Variants in EYS observed in about 807,000 individuals in gnomAD.
EYS encodes the protein protein eyes shut homolog.
EYS carries 250 observed loss-of-function variants against 282.1 expected under a neutral mutation model. The observed-to-expected ratio is 0.89, with a 90% CI of 0.80 to 0.98. EYS has a LOEUF of 0.98. Among genes scored for constraint, EYS ranks in the 50% least tolerant of loss-of-function variants. EYS has a pLI of 0.00. For missense variants in EYS, 4,016 were observed against 3,709.0 expected (o/e 1.08, Z -2.15); for synonymous variants, 1,355 against 1,282.9 (o/e 1.06, Z -1.20).
intron 31 of EYS, among the ~76,000 whole-genome samples, chr6:64,193,879 T>C (rs1582408458): frequency 6.6e-6 from 1 of 152,298 alleles, no homozygotes; most frequent in Admixed American, 6.5e-5. Context: ...ATGTGACACA[T>C]TTTCTGAATC....
At chr6:64,861,181 C>T in intron 19 of EYS, among the ~76,000 whole-genome samples, 1 of 152,212 alleles carries the variant, frequency 6.6e-6, no homozygotes, top group East Asian at 1.9e-4. Flanking sequence ...CAGTGCGGAA[C>T]TGCCCTTAGC....
intron 13 of EYS, among the ~76,000 whole-genome samples, chr6:65,044,187 C>T (rs555148643): frequency 8.7e-4 from 132 of 151,874 alleles, no homozygotes; most frequent in Middle Eastern, 3.4e-3. Context: ...TTTATGTCTG[C>T]TTTTGAGAAA....
intron 31 of EYS, among the ~76,000 whole-genome samples, chr6:64,131,457 A>G (rs568512321): frequency 1.4e-4 from 22 of 152,298 alleles, no homozygotes; most frequent in Admixed American, 5.9e-4. Context: ...TGTCATGTAG[A>G]GTCTATGCTC....
chr6:65,006,284 A>C (rs9360110), intron 13 of EYS, among the ~76,000 whole-genome samples: 12,788 of 151,934 alleles, frequency 0.084, 552 homozygotes, highest in East Asian at 0.13. Context: ...TTCCCTATTC[A>C]TTTAAAAGCC....
chr6:65,632,538 G>T (rs1044487144), intron 2 of EYS, among the ~76,000 whole-genome samples: 1 of 152,152 alleles, frequency 6.6e-6, no homozygotes. Flanking sequence ...TATTATTCAT[G>T]CTCTATCATA....
At chr6:65,665,052 G>A (rs114831014) in intron 1 of EYS, among the ~76,000 whole-genome samples, 22 of 152,228 alleles carry the variant, frequency 1.4e-4, no homozygotes, top group Non-Finnish European at 2.8e-4. Context: ...TCAGTGGTAT[G>A]ATCTTAGACA....
chr6:63,840,620 T>C (rs1248073140), intron 36 of EYS, among the ~76,000 whole-genome samples: 3 of 152,232 alleles, frequency 2.0e-5, no homozygotes, highest in Non-Finnish European at 4.4e-5. Context: ...CCTAGACTAA[T>C]GTCTTCAAGA....
chr6:64,391,000 G>A (rs1015090568), intron 28 of EYS, among the ~76,000 whole-genome samples: 7 of 152,074 alleles, frequency 4.6e-5, no homozygotes, highest in African/African-American at 1.4e-4. Context: ...GAGCCGATGC[G>A]AATCAACTGA....
At chr6:64,503,149 T>G (rs1777105017) in intron 26 of EYS, among the ~76,000 whole-genome samples, 1 of 152,358 alleles carries the variant, frequency 6.6e-6, no homozygotes, top group Non-Finnish European at 1.5e-5. Context: ...TTACATGCTT[T>G]ACTTAATTTA....
intron 31 of EYS, among the ~76,000 whole-genome samples, chr6:64,108,448 C>T (rs1401925123): frequency 6.7e-6 from 1 of 149,174 alleles, no homozygotes; most frequent in African/African-American, 2.5e-5. Context: ...CTTGTTATGA[C>T]AGAATGGTGA....
At chr6:64,452,124 A>C (rs1033719842) in intron 26 of EYS, among the ~76,000 whole-genome samples, 7 of 152,206 alleles carry the variant, frequency 4.6e-5, no homozygotes, top group Admixed American at 6.5e-5. Flanking sequence ...GTCTCAGCCC[A>C]AAATCTCCTT....
chr6:65,575,597 G>A (rs938089915), intron 2 of EYS, among the ~76,000 whole-genome samples: 1 of 151,646 alleles, frequency 6.6e-6, no homozygotes, highest in African/African-American at 2.4e-5. Flanking sequence ...AAAGACTACA[G>A]TAGAAATAAA....
chr6:64,983,054 A>G (rs1344714568), intron 14 of EYS, among the ~76,000 whole-genome samples: 1 of 151,222 alleles, frequency 6.6e-6, no homozygotes, highest in Admixed American at 6.6e-5. Flanking sequence ...CTTATTTTAT[A>G]ACATTATGAA....
chr6:65,698,057 G>C (rs9342495), intron 1 of EYS, among the ~76,000 whole-genome samples: 7,726 of 152,132 alleles, frequency 0.051, 450 homozygotes, highest in East Asian at 0.33. Context: ...TGTCAGGGTG[G>C]GAGGGAGACG....
At chr6:65,540,821 G>A (rs919094074) in intron 2 of EYS, among the ~76,000 whole-genome samples, 1 of 152,050 alleles carries the variant, frequency 6.6e-6, no homozygotes, top group African/African-American at 2.4e-5. Context: ...TACCAGGGAG[G>A]CTGAGGCAGG....
intron 22 of EYS, among the ~76,000 whole-genome samples, chr6:64,782,407 T>A (rs1470566600): frequency 6.6e-6 from 1 of 152,212 alleles, no homozygotes; most frequent in African/African-American, 2.4e-5. Context: ...GAAATTTTCA[T>A]GAATATTAAT....
intron 22 of EYS, among the ~76,000 whole-genome samples, chr6:64,728,043 C>A (rs567591838): frequency 1.5e-4 from 23 of 152,218 alleles, no homozygotes; most frequent in African/African-American, 5.5e-4. Context: ...TTCTTCGGGG[C>A]GGCAGGGGTG....
intron 2 of EYS, among the ~76,000 whole-genome samples, chr6:65,631,601 C>T (rs577419668): frequency 1.3e-5 from 2 of 152,220 alleles, no homozygotes; most frequent in African/African-American, 4.8e-5. Flanking sequence ...AGCACAAATA[C>T]TGTCATCTCT....
At chr6:65,383,805 T>C (rs2150351425) in intron 8 of EYS, among the ~76,000 whole-genome samples, 1 of 151,966 alleles carries the variant, frequency 6.6e-6, no homozygotes, top group East Asian at 1.9e-4. Context: ...AATTCCATTG[T>C]GAGACTACAC....
Sources: gnomAD v4.1 joint callset for allele counts (sites outside exome capture counted in the v4.1 genomes callset) on GRCh38, gnomAD v4.1.1 for gene constraint, MANE v1.5 for transcripts, NCBI Gene and HGNC (gene_info 2026-07-23, HGNC 2026-07-21) for gene names.